SOS2: variants seen among roughly 807,000 people sequenced by gnomAD.
SOS2 encodes SOS Ras/Rho guanine nucleotide exchange factor 2, also known as son of sevenless homolog 2.
Under a neutral mutation model 148.2 loss-of-function variants are expected in SOS2, and 65 were observed. The observed-to-expected ratio is 0.44, with a 90% confidence interval of 0.36 to 0.54. The LOEUF (loss-of-function observed/expected upper bound fraction) is 0.54. SOS2 is among the 20% of genes least tolerant of loss of function. The pLI, the probability that SOS2 is intolerant of heterozygous loss-of-function variation, is 0.00. For synonymous variants in SOS2, 539 were observed against 537.1 expected (o/e 1.00, Z -0.05); for missense variants, 1,341 against 1,590.2 (o/e 0.84, Z 2.67).
At chr14:50,198,495 T>A (rs1886385233) in intron 4 of SOS2, among the ~76,000 whole-genome samples, 1 of 152,176 alleles carries the variant, frequency 6.6e-6, no homozygotes, top group Non-Finnish European at 1.5e-5. Context: ...ACATCAGAAT[T>A]ACCTGGAATG....
At chr14:50,180,724 T>C (rs751298447) in intron 6 of SOS2, 42 bp from the exon 7 acceptor site, 3 of 1,115,064 alleles carry the variant, frequency 2.7e-6, no homozygotes, top group Admixed American at 4.3e-5. Flanking sequence ...TTTAAAAGAA[T>C]ATATTTTCTA....
chr14:50,133,227 CT>C (rs1161576124), intron 19 of SOS2, among the ~76,000 whole-genome samples: 7 of 96,940 alleles, frequency 7.2e-5, no homozygotes, highest in African/African-American at 2.2e-4. Context: ...TTTCCATGAA[CT>C]TTTTTTCTTT....
intron 1 of SOS2, among the ~76,000 whole-genome samples, chr14:50,228,552 T>C (rs1887449644): frequency 6.6e-6 from 1 of 152,216 alleles, no homozygotes; most frequent in African/African-American, 2.4e-5. Flanking sequence ...AAATAATTGA[T>C]ACATGTTCAT....
intron 4 of SOS2, among the ~76,000 whole-genome samples, chr14:50,191,303 A>G (rs1027407877): frequency 6.6e-6 from 1 of 151,864 alleles, no homozygotes; most frequent in Non-Finnish European, 1.5e-5. Flanking sequence ...TATCTCTACC[A>G]AAAGTAAAAA....
chr14:50,168,504 G>A (rs962581309), intron 8 of SOS2, among the ~76,000 whole-genome samples: 1 of 152,176 alleles, frequency 6.6e-6, no homozygotes. Context: ...TTACAGACAT[G>A]AGCCACTGTG....
intron 16 of SOS2, among the ~76,000 whole-genome samples, chr14:50,140,770 A>G (rs146544464): frequency 8.5e-5 from 13 of 152,314 alleles, no homozygotes; most frequent in African/African-American, 3.1e-4. Flanking sequence ...CACACAGAGG[A>G]TATGACTGCC....
At position 50,134,212 on chromosome 14, in the gene SOS2, C is replaced by T. The variant is rs780598157; in HGVS notation, c.2986G>A (p.Gly996Arg). The T allele has an allele frequency of 1.3e-6, 2 of 1,595,926 alleles. No homozygotes were observed. The highest frequency in any genetic ancestry group is 1.7e-5 in the Admixed American group (1 of 59,780). ...GTAAACTCTTTTTCAGATGCACTTCCCATGGGGTTAAGGTTTTCAAAGAAT... is the reference window on the plus strand; with the variant it reads ...GTAAACTCTTTTTCAGATGCACTTCTCATGGGGTTAAGGTTTTCAAAGAAT... ...RRFFENLNPM[G>R]SASEKEFTDY... Residue 996 changes from glycine (G) to arginine (R), a missense_variant, in exon 19 of 23, where the codon GGA becomes AGA. By Grantham distance (125) the Gly-to-Arg change is moderately radical. Coordinates refer to ENST00000216373, the MANE Select transcript of SOS2 (RefSeq NM_006939.4).
At chr14:50,137,162 CATA>C (rs1253781267) in intron 18 of SOS2, among the ~76,000 whole-genome samples, 18 of 152,218 alleles carry the variant, frequency 1.2e-4, no homozygotes, top group African/African-American at 4.1e-4. Context: ...TTAGCATAAA[CATA>C]ATATCATAGT....
intron 1 of SOS2, among the ~76,000 whole-genome samples, chr14:50,213,028 A>G (rs1206478936): frequency 1.3e-5 from 2 of 152,210 alleles, no homozygotes; most frequent in Non-Finnish European, 2.9e-5. Flanking sequence ...TGTCATTTGT[A>G]CTACACTAAA....
intron 8 of SOS2, among the ~76,000 whole-genome samples, chr14:50,165,279 A>G (rs1387354998): frequency 6.6e-6 from 1 of 152,166 alleles, no homozygotes; most frequent in Non-Finnish European, 1.5e-5. Flanking sequence ...CCTTTAAGGT[A>G]ATATTTTCCC....
In SOS2 at chr14:50,200,958, A is replaced by G. The variant is rs1886467495; in HGVS notation, c.340T>C (p.Leu114=). The change falls in exon 3 of 23, where the codon TTG becomes CTG. Residue 114 remains leucine (L), a synonymous_variant. Transcript: ENST00000216373. The stretch of plus-strand genomic sequence containing the variant: ...AATGTTTAATCTTTTGTTACCTTCA[A>G]CGAAGGATGGATTTTGTCCACAGGC... ...LLPVDKIHPS[L]KEVLGYKVDY... is the part of the protein sequence containing the mutation. 4 of 1,613,580 alleles carry G rather than the reference A, an allele frequency of 2.5e-6. No homozygotes were observed. In the African/African-American group the frequency reaches 5.3e-5, roughly 22 times the overall value.
At chr14:50,203,023 G>A (rs1187161588) in intron 2 of SOS2, among the ~76,000 whole-genome samples, 1 of 152,004 alleles carries the variant, frequency 6.6e-6, no homozygotes, top group Non-Finnish European at 1.5e-5. Context: ...GCTGGGCGCA[G>A]TGACACGTGC....
intron 1 of SOS2, among the ~76,000 whole-genome samples, chr14:50,210,451 T>C (rs1247329042): frequency 1.3e-5 from 2 of 152,178 alleles, no homozygotes; most frequent in African/African-American, 4.8e-5. Flanking sequence ...AGTGTAAAAC[T>C]AGATAATATC....
intron 2 of SOS2, among the ~76,000 whole-genome samples, chr14:50,201,844 G>A (rs1254507124): frequency 2.0e-5 from 3 of 152,132 alleles, no homozygotes; most frequent in Non-Finnish European, 2.9e-5. Flanking sequence ...AATAAAAGAG[G>A]TCATGTATCT....
At chr14:50,216,916 T>A (rs947002201) in intron 1 of SOS2, among the ~76,000 whole-genome samples, 5 of 152,138 alleles carry the variant, frequency 3.3e-5, no homozygotes, top group Non-Finnish European at 7.4e-5. Flanking sequence ...ACAATCTCAA[T>A]CAAAATTCCA....
rs201104460 is a variant in SOS2 at position 50,164,631 on chromosome 14, CAAA to C, written c.1069-3025_1069-3023del. ...GGGTGATAAGGCGAGATTCTGTCTCCAAAAAAAAAAAAGAAAGAAAAAGAAAAG... is the reference window on the plus strand; with the variant it reads ...GGGTGATAAGGCGAGATTCTGTCTCCAAAAAAAAAGAAAGAAAAAGAAAAG... On this transcript the variant is annotated intron_variant, in intron 8 of 22. Coordinates refer to ENST00000216373, the MANE Select transcript of SOS2 (RefSeq NM_006939.4). Among the ~76,000 whole-genome samples, 37 of 127,792 alleles carry C rather than the reference CAAA, an allele frequency of 2.9e-4. No homozygotes were observed. In the East Asian group the frequency reaches 7.7e-3, roughly 27 times the overall value. 83.8% of individuals were successfully genotyped at this position (127,792 alleles called of 152,430 possible).
chr14:50,122,114 A>G (rs1225466080), intron 21 of SOS2, among the ~76,000 whole-genome samples: 4 of 152,210 alleles, frequency 2.6e-5, no homozygotes, highest in Non-Finnish European at 5.9e-5. Context: ...TCCTTTAGCC[A>G]GAGTGATGAG....
intron 6 of SOS2, 53 bp from the exon 7 acceptor site, chr14:50,180,735 C>T: frequency 1.0e-6 from 1 of 1,001,888 alleles, no homozygotes; most frequent in South Asian, 1.4e-5. Flanking sequence ...ATATTTTCTA[C>T]CAATATGGTA....
chr14:50,175,882 C>A (rs1885506383), intron 7 of SOS2, among the ~76,000 whole-genome samples: 1 of 152,284 alleles, frequency 6.6e-6, no homozygotes, highest in South Asian at 2.1e-4. Context: ...AAATTATAAT[C>A]TTTTCAACAG....
Sources: gnomAD v4.1 joint callset for allele counts (sites outside exome capture counted in the v4.1 genomes callset) on GRCh38, gnomAD v4.1.1 for gene constraint, MANE v1.5 for transcripts, NCBI Gene and HGNC (gene_info 2026-07-23, HGNC 2026-07-21) for gene names.